The following CREB5 variants were observed in gnomAD, a reference collection of about 807,000 sequenced individuals.
CREB5 encodes the protein cAMP responsive element binding protein 5.
In CREB5, 19 loss-of-function variants were observed where a neutral mutation model predicts 57.1. The ratio of observed to expected loss-of-function variants is 0.33; its 90% CI spans 0.23 to 0.49. The LOEUF is 0.49. Ranked by LOEUF, CREB5 falls within the 20% of genes least tolerant of loss-of-function variation. CREB5 has a pLI of 0.99. For synonymous variants in CREB5, 238 were observed against 238.3 expected (o/e 1.00, Z 0.01); for missense variants, 579 against 671.6 (o/e 0.86, Z 1.52).
At chr7:28,592,602 G>C (rs1458258920) in intron 5 of CREB5, among the ~76,000 whole-genome samples, 2 of 152,132 alleles carry the variant, frequency 1.3e-5, no homozygotes, top group South Asian at 4.1e-4. Context: ...GGGCAGAGGC[G>C]CAGCACTAAG....
chr7:28,486,646 A>G (rs1791557423), intron 1 of CREB5, among the ~76,000 whole-genome samples: 1 of 132,866 alleles, frequency 7.5e-6, no homozygotes, highest in Admixed American at 7.7e-5. Context: ...GACTTAAATA[A>G]CTAAACGTGT....
At chr7:28,319,864 A>T (rs1448071780) in intron 1 of CREB5, among the ~76,000 whole-genome samples, 1 of 152,146 alleles carries the variant, frequency 6.6e-6, no homozygotes, top group Non-Finnish European at 1.5e-5. Flanking sequence ...TCTCATGGAA[A>T]ACATTCCCCT....
intron 7 of CREB5, among the ~76,000 whole-genome samples, chr7:28,770,617 C>CAGTT (rs1400988606): frequency 2.0e-5 from 3 of 152,102 alleles, no homozygotes; most frequent in African/African-American, 7.2e-5. Context: ...GTGGTAAAGA[C>CAGTT]AGTTACATCA....
At chr7:28,387,715 T>C (rs900426493) in intron 1 of CREB5, among the ~76,000 whole-genome samples, 13 of 152,144 alleles carry the variant, frequency 8.5e-5, no homozygotes, top group East Asian at 5.8e-4. Flanking sequence ...GAATGATCTG[T>C]GCAGCAAACC....
intron 5 of CREB5, among the ~76,000 whole-genome samples, chr7:28,678,643 A>G (rs1312112652): frequency 6.6e-6 from 1 of 152,204 alleles, no homozygotes; most frequent in Admixed American, 6.5e-5. Flanking sequence ...AGAATGTGGA[A>G]GTGGGTTTGG....
chr7:28,463,481 G>C (rs1194125911), intron 1 of CREB5, among the ~76,000 whole-genome samples: 1 of 152,166 alleles, frequency 6.6e-6, no homozygotes, highest in East Asian at 1.9e-4. Flanking sequence ...CCGGGATTTT[G>C]TTTAAGATTG....
At chr7:28,399,527 A>G (rs1322935882) in intron 1 of CREB5, among the ~76,000 whole-genome samples, 1 of 152,180 alleles carries the variant, frequency 6.6e-6, no homozygotes, top group Non-Finnish European at 1.5e-5. Context: ...ACAAAAATAA[A>G]CAATGGAGAA....
chr7:28,657,179 T>C (rs1369426628), intron 5 of CREB5, among the ~76,000 whole-genome samples: 1 of 152,128 alleles, frequency 6.6e-6, no homozygotes, highest in Non-Finnish European at 1.5e-5. Context: ...ACATGGTGGA[T>C]GTAGTTGTAA....
intron 5 of CREB5, among the ~76,000 whole-genome samples, chr7:28,633,369 ATGTGTGTG>A (rs3041195): frequency 1.7e-4 from 26 of 150,982 alleles, no homozygotes; most frequent in Admixed American, 1.6e-3. Flanking sequence ...TCAATCATTC[ATGTGTGTG>A]TGTGTGTGTG....
At chr7:28,448,818 C>A (rs796135956) in intron 1 of CREB5, among the ~76,000 whole-genome samples, 7 of 152,322 alleles carry the variant, frequency 4.6e-5, no homozygotes, top group African/African-American at 1.7e-4. Context: ...TTTAGTCTAA[C>A]CTTTTCATTT....
chr7:28,756,382 G>A (rs753194300), intron 7 of CREB5, among the ~76,000 whole-genome samples: 10 of 151,946 alleles, frequency 6.6e-5, no homozygotes, highest in South Asian at 2.1e-4. Context: ...GAGAAACCCC[G>A]TCTCTACTTT....
At position 28,338,690 on chromosome 7, in the gene CREB5, A is replaced by C. The variant is rs150506944; in HGVS notation, c.-25+39249A>C. 2.4e-3 allele frequency among the ~76,000 whole-genome samples: 362 copies of C among 152,110 alleles called. 2 individuals are homozygous for C. Among genetic ancestry groups the C allele is most frequent in the Middle Eastern group, 6.8e-3 (2 of 294 alleles). Reference sequence around the variant, plus strand: ...TAGGTTTAGGAAGTTCTCTGTTATTATTGCTTTGAATAAACTTTTTACTCC... The same window carrying C: ...TAGGTTTAGGAAGTTCTCTGTTATTCTTGCTTTGAATAAACTTTTTACTCC... On this transcript the variant is annotated intron_variant, in intron 1 of 9. Coordinates refer to the CREB5 transcript ENST00000396299.
chr7:28,326,955 C>T (rs192845253), intron 1 of CREB5, among the ~76,000 whole-genome samples: 179 of 152,076 alleles, frequency 1.2e-3, no homozygotes, highest in African/African-American at 4.2e-3. Flanking sequence ...CAAGACCAAC[C>T]TGGCCAACAC....
intron 7 of CREB5, among the ~76,000 whole-genome samples, chr7:28,786,653 C>A (rs973291197): frequency 6.6e-6 from 1 of 152,198 alleles, no homozygotes; most frequent in African/African-American, 2.4e-5. Flanking sequence ...CTCCTCCCGA[C>A]TCTTATTGAC....
At chr7:28,783,505 A>G (rs1468702047) in intron 7 of CREB5, among the ~76,000 whole-genome samples, 1 of 152,226 alleles carries the variant, frequency 6.6e-6, no homozygotes, top group Non-Finnish European at 1.5e-5. Context: ...CTGAATAAAA[A>G]CAAAACCAAA....
chr7:28,657,707 A>ACT (rs1385826263), intron 5 of CREB5, among the ~76,000 whole-genome samples: 5 of 118,906 alleles, frequency 4.2e-5, no homozygotes, highest in East Asian at 2.7e-4. Context: ...ACAGAGCAAG[A>ACT]CTCTCTCTCG....
intron 1 of CREB5, among the ~76,000 whole-genome samples, chr7:28,463,903 A>T (rs1790451308): frequency 1.3e-5 from 2 of 152,294 alleles, no homozygotes; most frequent in Non-Finnish European, 2.9e-5. Flanking sequence ...TCCAATCTGG[A>T]TACCTTTTAT....
chr7:28,553,516 G>A (rs1794751410), intron 4 of CREB5, among the ~76,000 whole-genome samples: 1 of 151,756 alleles, frequency 6.6e-6, no homozygotes, highest in Non-Finnish European at 1.5e-5. Flanking sequence ...CTTGGAGGGG[G>A]TAAAAATATA....
rs149846869 is a variant in CREB5, at chr7:28,800,323, G to T, written c.703-3876G>T. Among the ~76,000 whole-genome samples the T allele has an allele frequency of 2.2e-4, 34 of 151,934 alleles. No homozygotes were observed. The East Asian group carries it at 3.9e-3, about 17-fold the overall frequency. On this transcript the variant is annotated intron_variant, in intron 7 of 10. Transcript: ENST00000357727. ...GGCAAGAAGATTGTGAAACGCGAAG[G>T]CCCCATGTCTGGAGGGTGCATGACG... is the stretch of plus-strand genomic sequence containing the variant.
Sources: allele counts gnomAD v4.1 joint callset (sites outside exome capture counted in the v4.1 genomes callset), GRCh38; gene constraint gnomAD v4.1.1; transcripts MANE v1.5; gene names NCBI Gene and HGNC (gene_info 2026-07-23, HGNC 2026-07-21).